The following CLUAP1 variants were observed in gnomAD, a reference collection of about 807,000 sequenced individuals.
CLUAP1 encodes clusterin-associated protein 1.
Under a neutral mutation model 55.0 loss-of-function variants are expected in CLUAP1, and 50 were observed. The observed-to-expected ratio is 0.91, with a 90% CI of 0.72 to 1.15. The LOEUF is 1.15. Among genes scored for constraint, CLUAP1 ranks in the 50% most tolerant of loss-of-function variants. The pLI, the probability that CLUAP1 is intolerant of heterozygous loss-of-function variation, is 0.00. For synonymous variants in CLUAP1, 195 were observed against 175.4 expected, an observed-to-expected ratio of 1.11 and a Z score of -0.88; for missense variants, 530 against 507.6, an observed-to-expected ratio of 1.04 and a Z score of -0.42.
chr16:3,530,879 T>A (rs1381511278), intron 10 of CLUAP1, among the ~76,000 whole-genome samples: 1 of 152,168 alleles, frequency 6.6e-6, no homozygotes, highest in Non-Finnish European at 1.5e-5. Context: ...TTGTCTGTGA[T>A]CCCAAGACTG....
At position 3,528,194 on chromosome 16, in the gene CLUAP1, G is replaced by A. The variant is rs183030673; in HGVS notation, c.928+1710G>A. Among the ~76,000 whole-genome samples, 364 of 152,256 alleles carry A rather than the reference G, an allele frequency of 2.4e-3. 4 individuals carry two copies. Among genetic ancestry groups the A allele is most frequent in the Non-Finnish European group, 5.1e-4 (35 of 68,012 alleles). Reference sequence around the variant, plus strand: ...TGCTGAATTGATGGCCTTGTTGCACGGAGTTCCTCCTCCTCTTGCTGGTTG... The same window carrying A: ...TGCTGAATTGATGGCCTTGTTGCACAGAGTTCCTCCTCCTCTTGCTGGTTG... On this transcript the variant is annotated intron_variant, in intron 9 of 11. Transcript: ENST00000576634.
rs376920547 is a variant in CLUAP1, at chr16:3,523,306, T to C, written c.855+7T>C. 58 of 1,608,948 alleles carry C rather than the reference T, an allele frequency of 3.6e-5. No homozygotes were observed. Among genetic ancestry groups the C allele is most frequent in the Middle Eastern group, 1.6e-4 (1 of 6,076 alleles). On this transcript the variant is annotated splice_region_variant and intron_variant, in intron 8 of 11. Transcript: ENST00000576634. ...GGAGCAAGAAAGGTTTGAGGTGAGCTGAGCCTGTCCTCTGTTCAGCCATTC... is the reference window on the plus strand; with the variant it reads ...GGAGCAAGAAAGGTTTGAGGTGAGCCGAGCCTGTCCTCTGTTCAGCCATTC...
chr16:3,504,611 A>G, intron 1 of CLUAP1, 109 bp from the exon 2 acceptor site: 1 of 703,330 alleles, frequency 1.4e-6, no homozygotes, highest in Non-Finnish European at 2.6e-6. Flanking sequence ...ATAGTCCCTA[A>G]AGCTGTCAAT....
At chr16:3,522,411 G>A (rs999119965) in intron 7 of CLUAP1, among the ~76,000 whole-genome samples, 7 of 152,110 alleles carry the variant, frequency 4.6e-5, no homozygotes, top group South Asian at 2.1e-4. Context: ...TGATCCACCC[G>A]CCTCAGTCTC....
At chr16:3,522,534 A>G (rs2037859459) in intron 7 of CLUAP1, among the ~76,000 whole-genome samples, 1 of 152,040 alleles carries the variant, frequency 6.6e-6, no homozygotes, top group African/African-American at 2.4e-5. Context: ...TGTGTCTGGT[A>G]TGTGATTTTT....
At chr16:3,526,869 G>A (rs568310827) in intron 9 of CLUAP1, among the ~76,000 whole-genome samples, 22 of 152,234 alleles carry the variant, frequency 1.4e-4, no homozygotes, top group South Asian at 4.1e-4. Context: ...AAGAAAACAT[G>A]GCCCTAGATG....
At chr16:3,498,469 G>A (rs924591972), upstream of CLUAP1, among the ~76,000 whole-genome samples, 6 of 152,046 alleles carry the variant, frequency 3.9e-5, no homozygotes, top group African/African-American at 1.5e-4. Context: ...GAAATTACAA[G>A]GGAGCCCAAA....
intron 11 of CLUAP1, chr16:3,533,782 G>A (rs2151072446): frequency 6.5e-6 from 1 of 152,906 alleles, no homozygotes; most frequent in East Asian, 1.9e-4. Context: ...AGAGCAACTG[G>A]AAAATAATTT....
upstream of CLUAP1, chr16:3,496,609 C>A: frequency 1.9e-6 from 1 of 531,004 alleles, no homozygotes; most frequent in East Asian, 5.1e-5. Flanking sequence ...AGGACGGCGG[C>A]CCCGTCCTAC....
rs929226097 is a variant in CLUAP1 at position 3,504,902 on chromosome 16, G to A, written c.134+71G>A. ...TATTTATTAGTCATCTAGAAAACAG[G>A]ACACAGCTGTGATGCTGCAAAAGGG... On this transcript the variant is annotated intron_variant, in intron 2 of 11. Transcript: ENST00000576634. The A allele has an allele frequency of 1.1e-5, 10 of 939,822 alleles. No individual in the cohort carries two copies. In the Admixed American group the frequency reaches 1.6e-4, roughly 15 times the overall value. The allele number at this position is 939,822 out of a possible 1,614,324, so 58.2% of individuals were successfully genotyped here. A position where few individuals can be genotyped will look rare whatever the true frequency, so the allele number is the denominator to read the frequency against.
At position 3,506,247 on chromosome 16, in the gene CLUAP1, G is replaced by T. The variant is rs950953092; in HGVS notation, c.135-84G>T. ...TTGGAGAGCGTTGTGTTCCAGACCC[G>T]CTGTCCTCTCAGTTGCCCACATTCT... On this transcript the variant is annotated intron_variant, in intron 2 of 11. Coordinates refer to ENST00000576634, the MANE Select transcript of CLUAP1 (RefSeq NM_015041.3). The T allele has an allele frequency of 4.6e-6, 5 of 1,095,518 alleles. No individual in the cohort carries two copies. In the African/African-American group the frequency reaches 4.6e-5, roughly 10 times the overall value. The allele number at this position is 1,095,518 out of a possible 1,614,324, so 67.9% of individuals were successfully genotyped here. A position where few individuals can be genotyped will look rare whatever the true frequency, so the allele number is the denominator to read the frequency against.
intron 8 of CLUAP1, among the ~76,000 whole-genome samples, chr16:3,525,255 A>G (rs1280704568): frequency 2.0e-5 from 3 of 152,112 alleles, no homozygotes; most frequent in Non-Finnish European, 4.4e-5. Context: ...AGTGAAAAGA[A>G]ACGTTGGCCA....
chr16:3,502,376 A>G (rs1039488148), intron 1 of CLUAP1, among the ~76,000 whole-genome samples: 2 of 151,390 alleles, frequency 1.3e-5, no homozygotes, highest in Admixed American at 1.3e-4. Context: ...TCCGGGAGGC[A>G]GAGGTTGCAG....
intron 4 of CLUAP1, among the ~76,000 whole-genome samples, 194 bp from the exon 5 acceptor site, chr16:3,512,186 CAAA>C (rs1210287851): frequency 3.8e-5 from 3 of 79,842 alleles, no homozygotes; most frequent in Non-Finnish European, 8.1e-5. Flanking sequence ...AACTCCGTCT[CAAA>C]AAAAAAAAAA....
chr16:3,510,832 G>A (rs2037610413), intron 4 of CLUAP1, among the ~76,000 whole-genome samples: 1 of 152,232 alleles, frequency 6.6e-6, no homozygotes, highest in South Asian at 2.1e-4. Flanking sequence ...AGAAGGTTCT[G>A]CACATGCTCC....
chr16:3,520,463 A>C (rs2037813124), intron 7 of CLUAP1, among the ~76,000 whole-genome samples: 1 of 152,148 alleles, frequency 6.6e-6, no homozygotes, highest in Non-Finnish European at 1.5e-5. Context: ...AGCAATGAAA[A>C]AAAGCCTTAC....
At chr16:3,533,229 C>G (rs920427338) in intron 11 of CLUAP1, 3 of 1,190,634 alleles carry the variant, frequency 2.5e-6, no homozygotes, top group Admixed American at 2.0e-5. Flanking sequence ...GGGCCTCTCC[C>G]TAGGAGTGAT....
chr16:3,499,680 C>A (rs932847275), upstream of CLUAP1, among the ~76,000 whole-genome samples: 2 of 152,226 alleles, frequency 1.3e-5, no homozygotes, highest in Non-Finnish European at 1.5e-5. Context: ...ATACACGTCT[C>A]TTTATCAGAT....
rs771481481 is a variant in CLUAP1, at chr16:3,507,195, TA to T, written c.219+795del. On this transcript the variant is annotated intron_variant, in intron 3 of 11. Transcript: ENST00000576634. ...TGGGCAACAGAGCAAGACTCTGTCT[TA>T]AAAAAAAAAAAAAAGAATTTTATTT... 6.6e-3 allele frequency among the ~76,000 whole-genome samples: 869 copies of T among 131,218 alleles called. 11 individuals are homozygous for T. The highest frequency in any genetic ancestry group is 0.061 in the East Asian group (279 of 4,564). The allele number at this position is 131,218 out of a possible 152,430, so 86.1% of individuals were successfully genotyped here. A position where few individuals can be genotyped will look rare whatever the true frequency, so the allele number is the denominator to read the frequency against.
Sources: gnomAD v4.1 joint callset for allele counts (sites outside exome capture counted in the v4.1 genomes callset) on GRCh38, gnomAD v4.1.1 for gene constraint, MANE v1.5 for transcripts, NCBI Gene and HGNC (gene_info 2026-07-23, HGNC 2026-07-21) for gene names.